KLF13: variants seen among roughly 807,000 people sequenced by gnomAD.
KLF13 encodes KLF transcription factor 13, also known as Krueppel-like factor 13.
KLF13 carries 8 observed loss-of-function variants against 16.7 expected under a neutral mutation model. That is an observed-to-expected ratio of 0.48 (90% CI 0.28 to 0.87). KLF13 has a LOEUF of 0.87. Ranked by LOEUF, KLF13 falls within the 40% of genes least tolerant of loss-of-function variation. The probability of loss-of-function intolerance (pLI) is 0.10; values close to 1 mark genes in which losing one functional copy is unlikely to be tolerated. For missense variants in KLF13, 447 were observed against 452.2 expected, an observed-to-expected ratio of 0.99 and a Z score of 0.10; for synonymous variants, 245 against 208.4, an observed-to-expected ratio of 1.18 and a Z score of -1.51.
At chr15:31,400,288 C>T (rs1019232714) in intron 2 of KLF13, among the ~76,000 whole-genome samples, 2 of 152,208 alleles carry the variant, frequency 1.3e-5, no homozygotes, top group Admixed American at 6.5e-5. Context: ...TGTATTTTAA[C>T]TGGGGAGAGG....
intron 1 of KLF13, among the ~76,000 whole-genome samples, chr15:31,425,135 G>C (rs1395142193): frequency 6.6e-6 from 1 of 152,046 alleles, no homozygotes; most frequent in Non-Finnish European, 1.5e-5. Context: ...AGAAATTAAA[G>C]AAGATATAAA....
Position 31,327,670 on chromosome 15 carries a change from G to T in KLF13, c.458G>T (p.Arg153Leu). ...GEPGLRQRVR[R>L]GRSRADLESP... The stretch of plus-strand genomic sequence containing the variant: ...CCCGGCCTCAGACAAAGGGTCCGGC[G>T]GGGCCGAAGTCGCGCCGACCTCGAG... The change falls in exon 1 of 2, where the codon CGG becomes CTG. Residue 153 changes from arginine to leucine, a missense_variant. Transcript: ENST00000307145. The T allele has an allele frequency of 6.6e-7, 1 of 1,510,068 alleles. No individual in the cohort carries two copies. The highest frequency in any genetic ancestry group is 8.9e-7 in the Non-Finnish European group (1 of 1,125,210). The allele number at this position is 1,510,068 out of a possible 1,614,324, so 93.5% of individuals were successfully genotyped here. A position where few individuals can be genotyped will look rare whatever the true frequency, so the allele number is the denominator to read the frequency against.
At position 31,336,210 on chromosome 15, in the gene KLF13, G is replaced by A. The variant is rs570037733; in HGVS notation, c.577+8421G>A. The stretch of plus-strand genomic sequence containing the variant: ...GCACTGGCAGCTAATGCTTGGGGGG[G>A]CCACCATCCTTTCCCGGTCTGGCCT... On this transcript the variant is annotated intron_variant, in intron 1 of 1. Coordinates refer to ENST00000307145, the MANE Select transcript of KLF13 (RefSeq NM_015995.4). Among the ~76,000 whole-genome samples, 3 of 152,328 alleles carry A rather than the reference G, an allele frequency of 2.0e-5. No homozygotes were observed. The East Asian group carries it at 5.8e-4, about 29-fold the overall frequency.
chr15:31,363,797 C>G (rs549436072), intron 1 of KLF13, among the ~76,000 whole-genome samples: 7 of 152,188 alleles, frequency 4.6e-5, no homozygotes, highest in African/African-American at 1.7e-4. Context: ...TTAGTCTTTT[C>G]TTTTATGGTT....
intron 1 of KLF13, among the ~76,000 whole-genome samples, chr15:31,356,086 T>C (rs2039296649): frequency 6.6e-6 from 1 of 152,052 alleles, no homozygotes; most frequent in African/African-American, 2.4e-5. Context: ...GTTACATGGG[T>C]AAATTGCATG....
In KLF13 at chr15:31,372,517, T is replaced by A; in HGVS notation, c.*218T>A. The A allele has an allele frequency of 1.8e-6, 1 of 552,964 alleles. No homozygotes were observed. The highest frequency in any genetic ancestry group is 3.1e-6 in the Non-Finnish European group (1 of 327,432). The allele number at this position is 552,964 out of a possible 1,614,324, so 34.3% of individuals were successfully genotyped here. A position where few individuals can be genotyped will look rare whatever the true frequency, so the allele number is the denominator to read the frequency against. On this transcript the variant is annotated 3_prime_UTR_variant, in exon 2 of 2. Coordinates refer to ENST00000307145, the MANE Select transcript of KLF13 (RefSeq NM_015995.4). ...TTGCACAATAGATACACCCACAAAG[T>A]TGAGATTCAGCGTTGTTGAACCCCC...
At chr15:31,398,204 A>T (rs2039982343) in intron 2 of KLF13, among the ~76,000 whole-genome samples, 1 of 152,184 alleles carries the variant, frequency 6.6e-6, no homozygotes, top group Non-Finnish European at 1.5e-5. Context: ...TGGTGTTTTC[A>T]GAGATTCTCC....
chr15:31,332,678 C>T (rs954167488), intron 1 of KLF13, among the ~76,000 whole-genome samples: 10 of 152,246 alleles, frequency 6.6e-5, no homozygotes, highest in African/African-American at 2.4e-4. Context: ...TCTCAAGCTT[C>T]TGACAGCCTC....
chr15:31,405,218 G>A (rs189634129), downstream of KLF13, among the ~76,000 whole-genome samples: 14 of 152,302 alleles, frequency 9.2e-5, no homozygotes, highest in African/African-American at 3.4e-4. Flanking sequence ...GGAGGCTGAG[G>A]CAGGAGAATT....
intron 1 of KLF13, chr15:31,339,913 A>G: frequency 1.4e-6 from 1 of 701,820 alleles, no homozygotes; most frequent in South Asian, 1.5e-5. Flanking sequence ...TTCACCTTGG[A>G]TTTCACTGGG....
At chr15:31,328,224 C>A (rs1224806913) in intron 1 of KLF13, among the ~76,000 whole-genome samples, 1 of 150,988 alleles carries the variant, frequency 6.6e-6, no homozygotes, top group African/African-American at 2.4e-5. Flanking sequence ...CGTTTCCTCC[C>A]CCGCTGCCCG....
chr15:31,363,251 C>A (rs529362475), intron 1 of KLF13, among the ~76,000 whole-genome samples: 1 of 152,344 alleles, frequency 6.6e-6, no homozygotes, highest in Admixed American at 6.5e-5. Context: ...GGTGGAGCAT[C>A]TTTTCATGCA....
intron 1 of KLF13, among the ~76,000 whole-genome samples, chr15:31,423,081 A>ATATATATACGTATATATACATGTATACG (rs2040348318): frequency 2.6e-5 from 1 of 38,410 alleles, no homozygotes; most frequent in Non-Finnish European, 6.3e-5. Context: ...TAACAATTAC[A>ATATATATACGTATATATACATGTATACG]TATATATACG....
rs1242331395 is a variant in KLF13, at chr15:31,377,895, T to C, written c.*5596T>C. On this transcript the variant is annotated 3_prime_UTR_variant, in exon 2 of 2. Transcript: ENST00000307145. ...TTGAAATAAAATTTATGATTCATTA[T>C]TTTATTTGCTGGAGCTAGTTTCTTT... 1 of 152,588 alleles carries C rather than the reference T, an allele frequency of 6.6e-6. No individual in the cohort carries two copies. Among genetic ancestry groups the C allele is most frequent in the East Asian group, 1.9e-4 (1 of 5,200 alleles). 9.5% of individuals were successfully genotyped at this position (152,588 alleles called of 1,614,324 possible). A position where few individuals can be genotyped will look rare whatever the true frequency, so the allele number is the denominator to read the frequency against.
chr15:31,327,581 C>G lies in KLF13; in HGVS notation c.369C>G (p.Ser123Arg), dbSNP rs1306753562. 1 of 1,200,398 alleles carries G rather than the reference C, an allele frequency of 8.3e-7. No homozygotes were observed. Among genetic ancestry groups the G allele is most frequent in the Non-Finnish European group, 1.0e-6 (1 of 959,366 alleles). 74.4% of individuals were successfully genotyped at this position (1,200,398 alleles called of 1,614,324 possible). A position where few individuals can be genotyped will look rare whatever the true frequency, so the allele number is the denominator to read the frequency against. The change falls in exon 1 of 2, where the codon AGC (serine) becomes AGG (arginine). Residue 123 changes from serine to arginine, a missense_variant. By Grantham distance (110) the Ser-to-Arg change is moderately radical. Coordinates refer to ENST00000307145, the MANE Select transcript of KLF13 (RefSeq NM_015995.4). The part of the protein sequence containing the change: ...AAAAPPSPAW[S>R]EPEPEAGLEP... ...CCGCGCCCCCCAGCCCGGCGTGGAGCGAGCCGGAGCCCGAGGCGGGGCTGG... is the reference window on the plus strand; with the variant it reads ...CCGCGCCCCCCAGCCCGGCGTGGAGGGAGCCGGAGCCCGAGGCGGGGCTGG...
Position 31,396,453 on chromosome 15 carries a change from G to A in KLF13, n.529+2762G>A, listed in dbSNP as rs977419341. Among the ~76,000 whole-genome samples, 17 of 152,168 alleles carry A rather than the reference G, an allele frequency of 1.1e-4. No homozygotes were observed. In the East Asian group the frequency reaches 1.3e-3, roughly 12 times the overall value. On this transcript the variant is annotated intron_variant and non_coding_transcript_variant, in intron 2 of 2. Coordinates refer to the KLF13 transcript ENST00000500533. ...ATTACAGGCTTGAGCCACCGCGCCC[G>A]GCCTAGGGTTTTTAAGGATAATTTG...
At chr15:31,367,463 T>A (rs2039492150) in intron 1 of KLF13, among the ~76,000 whole-genome samples, 1 of 152,160 alleles carries the variant, frequency 6.6e-6, no homozygotes, top group South Asian at 2.1e-4. Flanking sequence ...CCCACCTTCC[T>A]CCACTCCAGG....
At chr15:31,418,426 T>C (rs1040777304) in intron 1 of KLF13, among the ~76,000 whole-genome samples, 1 of 152,114 alleles carries the variant, frequency 6.6e-6, no homozygotes, top group African/African-American at 2.4e-5. Context: ...ATAAAAGGAA[T>C]TGACCAAACC....
At chr15:31,339,854 C>T (rs1053309491) in intron 1 of KLF13, 4 of 675,206 alleles carry the variant, frequency 5.9e-6, no homozygotes, top group Admixed American at 2.0e-5. Context: ...CCCCAGGTGG[C>T]ACTTTGCTGT....
Sources: allele counts gnomAD v4.1 joint callset (sites outside exome capture counted in the v4.1 genomes callset), GRCh38; gene constraint gnomAD v4.1.1; transcripts MANE v1.5; gene names NCBI Gene and HGNC (gene_info 2026-07-23, HGNC 2026-07-21).